Variants in FMN2 observed in about 807,000 individuals in gnomAD.
FMN2 encodes the protein formin-2.
A neutral mutation model predicts 142.3 loss-of-function variants in FMN2; 51 were observed. The observed-to-expected ratio is 0.36, with a 90% CI of 0.29 to 0.45. FMN2 has a LOEUF of 0.45. FMN2 is among the 20% of genes least tolerant of loss of function. FMN2 has a pLI of 1.00. For missense variants in FMN2, 1,936 were observed against 2,122.8 expected, an observed-to-expected ratio of 0.91 and a Z score of 1.73; for synonymous variants, 882 against 869.8, an observed-to-expected ratio of 1.01 and a Z score of -0.25.
intron 2 of FMN2, chr1:240,171,067 G>T (rs1664684240): frequency 7.1e-7 from 1 of 1,402,106 alleles, no homozygotes; most frequent in Non-Finnish European, 1.0e-6. Context: ...TTCAGGTCAA[G>T]AAATTGCCAC....
At chr1:240,254,829 C>T (rs541304369) in intron 6 of FMN2, among the ~76,000 whole-genome samples, 69 of 152,192 alleles carry the variant, frequency 4.5e-4, no homozygotes, top group Non-Finnish European at 6.0e-4. Context: ...AGGGGAGCCC[C>T]GGGGATGTGG....
chr1:240,391,844 C>A (rs1438069279), intron 14 of FMN2, among the ~76,000 whole-genome samples: 4 of 151,682 alleles, frequency 2.6e-5, no homozygotes, highest in African/African-American at 9.7e-5. Flanking sequence ...AAAATGAAGT[C>A]ACAGCCATAC....
At position 240,208,449 on chromosome 1, in the gene FMN2, C is replaced by T. The variant is rs1186179927; in HGVS notation, c.3637C>T (p.Pro1213Ser). ...GAGIPPPPPL[P>S]GMGIPPAPAP... ...TGGGATTCCCCCACCTCCTCCCTTG[C>T]CAGGTATGGGGATTCCACCTGCTCC... Residue 1213 changes from proline to serine, a missense_variant, in exon 5 of 18, where the codon CCA becomes TCA. By Grantham distance (74) the Pro-to-Ser change is moderately conservative (BLOSUM62 -1). Transcript: ENST00000319653. 2 of 1,608,718 alleles carry T rather than the reference C, an allele frequency of 1.2e-6. No individual in the cohort carries two copies. Among genetic ancestry groups the T allele is most frequent in the Admixed American group, 1.7e-5 (1 of 59,592 alleles).
intron 1 of FMN2, among the ~76,000 whole-genome samples, chr1:240,113,394 T>C (rs1410498895): frequency 6.6e-6 from 1 of 151,658 alleles, no homozygotes; most frequent in African/African-American, 2.4e-5. Context: ...TGAAACCCCA[T>C]CTCTACTAAA....
intron 1 of FMN2, among the ~76,000 whole-genome samples, chr1:240,120,994 C>G (rs1045103906): frequency 6.6e-5 from 10 of 152,096 alleles, no homozygotes; most frequent in African/African-American, 2.4e-4. Context: ...CCCATTTCTA[C>G]TAAAGCTACA....
At chr1:240,400,100 G>T (rs954135504) in intron 15 of FMN2, among the ~76,000 whole-genome samples, 6 of 152,142 alleles carry the variant, frequency 3.9e-5, no homozygotes, top group African/African-American at 1.4e-4. Flanking sequence ...CAAGCAAAAT[G>T]GCTAAGCAAT....
Position 240,283,533 on chromosome 1 carries a change from A to G in FMN2, c.4154-11289A>G, listed in dbSNP as rs142932364. Among the ~76,000 whole-genome samples the G allele has an allele frequency of 5.4e-3, 823 of 152,284 alleles. 11 individuals carry two copies. The highest frequency in any genetic ancestry group is 0.019 in the African/African-American group (769 of 41,566). On this transcript the variant is annotated intron_variant, in intron 7 of 17. Coordinates refer to ENST00000319653, the MANE Select transcript of FMN2 (RefSeq NM_020066.5). ...ATGACTTTTCCCTGGAGGTTCAGCA[A>G]TGACTTTTGTTTTTCACATTACACA...
chr1:240,359,741 A>G (rs1458043967), intron 14 of FMN2, among the ~76,000 whole-genome samples: 5 of 152,224 alleles, frequency 3.3e-5, no homozygotes, highest in African/African-American at 9.6e-5. Context: ...AAGGTGCTAG[A>G]TATGTACCCT....
Position 240,142,827 on chromosome 1 carries a change from G to T in FMN2, c.1782+19482G>T, listed in dbSNP as rs182873998. ...CCCTGTGATGGTCTTAGGCTTGCCA[G>T]CCTGGCCCACCACATCCACTGCCTG... On this transcript the variant is annotated intron_variant, in intron 2 of 17. Transcript: ENST00000319653. 113 of 1,586,428 alleles carry T rather than the reference G, an allele frequency of 7.1e-5. 1 individual carries two copies. The East Asian group carries it at 2.5e-3, about 35-fold the overall frequency.
intron 14 of FMN2, among the ~76,000 whole-genome samples, chr1:240,378,149 T>TTTA (rs751104290): frequency 6.6e-6 from 1 of 151,882 alleles, no homozygotes; most frequent in South Asian, 2.1e-4. Context: ...TTTTTTATTT[T>TTTA]TTATTATTAT....
At chr1:240,426,081 A>C (rs1424719226) in intron 15 of FMN2, among the ~76,000 whole-genome samples, 2 of 152,232 alleles carry the variant, frequency 1.3e-5, no homozygotes, top group East Asian at 3.8e-4. Flanking sequence ...TGCTATTTAA[A>C]TAGTGTTTCA....
chr1:240,334,173 A>G lies in FMN2; in HGVS notation c.4709A>G (p.Gln1570Arg). Residue 1570 changes from glutamine (Q) to arginine (R), a missense_variant, in exon 13 of 18, where the codon CAG (glutamine) becomes CGG (arginine). Gln to Arg is a conservative substitution (Grantham distance 43). This residue lies in a region of FMN2 where 322 missense variants were observed against 401.6 expected (regional missense o/e 0.80). Transcript: ENST00000319653. ...CCCCAGGACCTTTTTCAGGCCTCAC[A>G]GATGAAGTTTGAAGATTTTCAAAAA... ...PEPQDLFQAS[Q>R]MKFEDFQKDL... 6.2e-7 allele frequency: 1 copy of G among 1,608,836 alleles called. No individual in the cohort carries two copies. Among genetic ancestry groups the G allele is most frequent in the Non-Finnish European group, 8.5e-7 (1 of 1,178,628 alleles).
chr1:240,469,875 A>C (rs1285173837), intron 16 of FMN2, among the ~76,000 whole-genome samples: 1 of 152,150 alleles, frequency 6.6e-6, no homozygotes, highest in African/African-American at 2.4e-5. Flanking sequence ...CTGGACCTCG[A>C]GCTAATGCTT....
At chr1:240,315,561 TTTCTCACATTTGCCAACATACAAGTG>T (rs1320518558) in intron 8 of FMN2, among the ~76,000 whole-genome samples, 1 of 152,226 alleles carries the variant, frequency 6.6e-6, no homozygotes. Context: ...AATTTCTTGT[TTTCTCACATTTGCCAACATACAAGTG>T]TTCAAGACTT....
chr1:240,286,171 G>A (rs1200717698), intron 7 of FMN2, among the ~76,000 whole-genome samples: 4 of 152,114 alleles, frequency 2.6e-5, no homozygotes, highest in Non-Finnish European at 2.9e-5. Context: ...GTAAAGGCCT[G>A]TCTGGCAGTG....
intron 7 of FMN2, among the ~76,000 whole-genome samples, chr1:240,275,065 T>C (rs1282272791): frequency 7.1e-6 from 1 of 140,026 alleles, no homozygotes; most frequent in African/African-American, 2.7e-5. Context: ...CAAGAAAGGG[T>C]GTTCTTTTTT....
At chr1:240,182,422 A>G (rs1665190813) in intron 3 of FMN2, among the ~76,000 whole-genome samples, 2 of 152,178 alleles carry the variant, frequency 1.3e-5, no homozygotes, top group African/African-American at 2.4e-5. Context: ...ATGGAAGAGG[A>G]TCTGGTAGAA....
At chr1:240,373,415 G>T (rs1352004341) in intron 14 of FMN2, among the ~76,000 whole-genome samples, 1 of 152,110 alleles carries the variant, frequency 6.6e-6, no homozygotes, top group Non-Finnish European at 1.5e-5. Flanking sequence ...GATGCTATTT[G>T]GTAGTATTTT....
chr1:240,216,240 TA>T (rs970797095), intron 6 of FMN2, among the ~76,000 whole-genome samples: 1 of 151,954 alleles, frequency 6.6e-6, no homozygotes, highest in Admixed American at 6.5e-5. Flanking sequence ...TATCCCATGG[TA>T]AAAAAAAGAA....
Sources: gnomAD v4.1 joint callset for allele counts (sites outside exome capture counted in the v4.1 genomes callset) on GRCh38, gnomAD v4.1.1 for gene constraint, gnomAD v4.1.1 regional missense constraint, MANE v1.5 for transcripts, NCBI Gene and HGNC (gene_info 2026-07-23, HGNC 2026-07-21) for gene names.